Variants in KHDRBS2 observed in about 807,000 individuals in gnomAD.
KHDRBS2 encodes KH RNA binding domain containing, signal transduction associated 2.
KHDRBS2 carries 26 observed loss-of-function variants against 44.3 expected under a neutral mutation model. That is an observed-to-expected ratio of 0.59 (90% CI 0.43 to 0.81). The LOEUF (loss-of-function observed/expected upper bound fraction) is 0.81. KHDRBS2 is among the 40% of genes least tolerant of loss of function. The pLI, the probability that KHDRBS2 is intolerant of heterozygous loss-of-function variation, is 0.00. For synonymous variants in KHDRBS2, 194 were observed against 151.1 expected (o/e 1.28, Z -2.08); for missense variants, 476 against 433.1 (o/e 1.10, Z -0.88).
the KHDRBS2 span, among the ~76,000 whole-genome samples, chr6:61,642,700 A>G: frequency 1.3e-5 from 2 of 152,080 alleles, no homozygotes; most frequent in Admixed American, 1.3e-4. Context: ...AATAAAAATT[A>G]TAAGTTGCAT....
At chr6:61,708,400 C>T (rs1769945055) in intron 7 of KHDRBS2, among the ~76,000 whole-genome samples, 1 of 151,404 alleles carries the variant, frequency 6.6e-6, no homozygotes, top group Admixed American at 6.6e-5. Flanking sequence ...GTATATGTTT[C>T]AATCCAAATG....
intron 6 of KHDRBS2, among the ~76,000 whole-genome samples, chr6:61,754,374 T>C (rs1352498379): frequency 6.6e-6 from 1 of 152,166 alleles, no homozygotes; most frequent in African/African-American, 2.4e-5. Flanking sequence ...GTATGTGTGC[T>C]GTAGACTTAA....
At chr6:62,109,102 A>AT (rs1442858528) in intron 2 of KHDRBS2, among the ~76,000 whole-genome samples, 61 of 143,834 alleles carry the variant, frequency 4.2e-4, no homozygotes, top group African/African-American at 7.1e-4. Context: ...TATAATAATA[A>AT]AAAAAAAAAA....
chr6:62,108,409 A>G (rs1166425202), intron 2 of KHDRBS2, among the ~76,000 whole-genome samples: 5 of 152,192 alleles, frequency 3.3e-5, no homozygotes, highest in Admixed American at 3.3e-4. Context: ...ACCATCTCAC[A>G]CCAGTTAGAA....
chr6:62,041,827 C>G (rs1351585227), intron 3 of KHDRBS2, among the ~76,000 whole-genome samples: 1 of 152,008 alleles, frequency 6.6e-6, no homozygotes, highest in Non-Finnish European at 1.5e-5. Context: ...AACATTACTA[C>G]CCCATATCCT....
At chr6:61,618,923 TG>T in the KHDRBS2 span, among the ~76,000 whole-genome samples, 1 of 152,292 alleles carries the variant, frequency 6.6e-6, no homozygotes, top group African/African-American at 2.4e-5. Context: ...TATCATTTCT[TG>T]GGTTATTTTC....
Position 61,959,927 on chromosome 6 carries a change from G to T in KHDRBS2, c.483+18139C>A, listed in dbSNP as rs1016630860. 3.9e-5 allele frequency among the ~76,000 whole-genome samples: 6 copies of T among 151,992 alleles called. 1 individual carries two copies. Among genetic ancestry groups the T allele is most frequent in the Admixed American group, 2.0e-4 (3 of 15,224 alleles). On this transcript the variant is annotated intron_variant, in intron 4 of 8. Transcript: ENST00000281156. ...TAGGTATATGTTTTTCCTTTTCAAC[G>T]GACTCAAGGCTTGGTTCTGATTTCA... is the stretch of plus-strand genomic sequence containing the variant.
intron 3 of KHDRBS2, among the ~76,000 whole-genome samples, chr6:62,047,007 T>C (rs868094130): frequency 1.3e-5 from 2 of 151,954 alleles, no homozygotes; most frequent in Non-Finnish European, 2.9e-5. Context: ...TTTCACACTA[T>C]AAATTTCCTC....
At chr6:62,059,870 C>T (rs1406867479) in intron 2 of KHDRBS2, among the ~76,000 whole-genome samples, 1 of 151,504 alleles carries the variant, frequency 6.6e-6, no homozygotes, top group Non-Finnish European at 1.5e-5. Context: ...TGGAAGAATA[C>T]AAAATTTAAA....
intron 4 of KHDRBS2, among the ~76,000 whole-genome samples, chr6:61,955,793 T>C (rs761409851): frequency 6.6e-6 from 1 of 151,914 alleles, no homozygotes; most frequent in Non-Finnish European, 1.5e-5. Flanking sequence ...ACTAAGTATT[T>C]TTAAGTGCCA....
At chr6:61,717,668 G>T (rs540863720) in intron 7 of KHDRBS2, among the ~76,000 whole-genome samples, 1 of 152,186 alleles carries the variant, frequency 6.6e-6, no homozygotes, top group Admixed American at 6.6e-5. Context: ...CTGGATAACT[G>T]CAGTGTTTCA....
intron 3 of KHDRBS2, among the ~76,000 whole-genome samples, chr6:62,044,488 C>T (rs530870247): frequency 1.5e-4 from 23 of 151,146 alleles, no homozygotes; most frequent in African/African-American, 5.3e-4. Flanking sequence ...CAGAATGAGA[C>T]ACTGTCAGAA....
chr6:61,776,566 T>C (rs1291070658), intron 6 of KHDRBS2, among the ~76,000 whole-genome samples: 1 of 152,070 alleles, frequency 6.6e-6, no homozygotes, highest in Non-Finnish European at 1.5e-5. Context: ...ATCAGAGAAA[T>C]GCAAATCAAA....
At chr6:61,607,520 C>CAAAAAAAAAAA in the KHDRBS2 span, among the ~76,000 whole-genome samples, 534 of 41,024 alleles carry the variant, frequency 0.013, 126 homozygotes, top group East Asian at 0.033. Context: ...GAGTTCCAAG[C>CAAAAAAAAAAA]AAAAAAAAAA....
chr6:61,808,133 G>A lies in KHDRBS2; in HGVS notation c.811-75369C>T, dbSNP rs566074081. On this transcript the variant is annotated intron_variant, in intron 6 of 8. Transcript: ENST00000281156. ...TACTTATTTAAGCTTTATTTAAAAT[G>A]ATTTTAAATATATAAAGTCAAGTAA... Among the ~76,000 whole-genome samples the A allele has an allele frequency of 7.2e-5, 11 of 152,158 alleles. No individual in the cohort carries two copies. In the East Asian group the frequency reaches 1.4e-3, roughly 19 times the overall value.
chr6:62,090,652 T>C (rs1271474258), intron 2 of KHDRBS2, among the ~76,000 whole-genome samples: 4 of 152,146 alleles, frequency 2.6e-5, no homozygotes, highest in African/African-American at 7.2e-5. Flanking sequence ...AAAGTGTTTA[T>C]GTGCCAGAGA....
At chr6:62,246,379 A>T (rs1333309236) in intron 1 of KHDRBS2, among the ~76,000 whole-genome samples, 2 of 151,932 alleles carry the variant, frequency 1.3e-5, no homozygotes, top group African/African-American at 4.8e-5. Flanking sequence ...GATACTCTAT[A>T]AGAAAAACAT....
chr6:61,627,294 G>GT, the KHDRBS2 span, among the ~76,000 whole-genome samples: 21 of 146,240 alleles, frequency 1.4e-4, no homozygotes, highest in Admixed American at 1.1e-3. Context: ...AATTTGGCTG[G>GT]TTTTTGTCTT....
the KHDRBS2 span, among the ~76,000 whole-genome samples, chr6:61,621,395 AATAG>A: frequency 6.6e-6 from 1 of 152,246 alleles, no homozygotes; most frequent in Non-Finnish European, 1.5e-5. Flanking sequence ...GCAAGTAGTT[AATAG>A]ATAGACATGA....
Sources: allele counts gnomAD v4.1 joint callset (sites outside exome capture counted in the v4.1 genomes callset), GRCh38; gene constraint gnomAD v4.1.1; transcripts MANE v1.5; gene names NCBI Gene and HGNC (gene_info 2026-07-23, HGNC 2026-07-21).